Variants in CDH13 observed in about 807,000 individuals in gnomAD.
CDH13 encodes the protein cadherin-13.
CDH13 carries 24 observed loss-of-function variants against 63.8 expected under a neutral mutation model. That is an observed-to-expected ratio of 0.38 (90% CI 0.27 to 0.53). The LOEUF (loss-of-function observed/expected upper bound fraction) is 0.53, where lower values mean the gene tolerates loss of function less well. Among genes scored for constraint, CDH13 ranks in the 20% least tolerant of loss-of-function variants. CDH13 has a pLI of 0.85. For missense variants in CDH13, 1,049 were observed against 903.1 expected (o/e 1.16, Z -2.07); for synonymous variants, 503 against 355.3 (o/e 1.42, Z -4.67).
At chr16:83,175,979 C>T (rs576598622) in intron 4 of CDH13, among the ~76,000 whole-genome samples, 5 of 151,750 alleles carry the variant, frequency 3.3e-5, no homozygotes, top group African/African-American at 9.6e-5. Flanking sequence ...CAGGCATGTG[C>T]CACAATGCCT....
At chr16:82,954,562 C>T (rs1264036786) in intron 2 of CDH13, 1 of 152,064 alleles carries the variant, frequency 6.6e-6, no homozygotes, top group Non-Finnish European at 1.5e-5. Context: ...TGAAGGCTAC[C>T]AATGTCCAAT....
intron 2 of CDH13, among the ~76,000 whole-genome samples, chr16:82,880,222 G>C (rs1037671035): frequency 1.3e-5 from 2 of 151,972 alleles, no homozygotes; most frequent in South Asian, 4.1e-4. Flanking sequence ...TGCTTCTCAA[G>C]TGCAGCGTCC....
chr16:82,630,843 A>T (rs1907920475), intron 1 of CDH13, among the ~76,000 whole-genome samples: 1 of 152,190 alleles, frequency 6.6e-6, no homozygotes, highest in South Asian at 2.1e-4. Flanking sequence ...CGTCTGAGTG[A>T]GTGTGTACAT....
chr16:83,508,616 G>A (rs996647416), intron 7 of CDH13, among the ~76,000 whole-genome samples: 3 of 152,252 alleles, frequency 2.0e-5, no homozygotes, highest in Non-Finnish European at 2.9e-5. Context: ...GGACAACTTC[G>A]AGATATGTTC....
At chr16:83,478,989 A>C (rs1028187620) in intron 6 of CDH13, among the ~76,000 whole-genome samples, 2 of 152,242 alleles carry the variant, frequency 1.3e-5, no homozygotes, top group Admixed American at 6.5e-5. Context: ...GTAGCTTTCC[A>C]GGAACACATG....
intron 2 of CDH13, among the ~76,000 whole-genome samples, chr16:82,909,801 A>T (rs528892151): frequency 2.0e-5 from 3 of 152,324 alleles, no homozygotes; most frequent in Non-Finnish European, 4.4e-5. Flanking sequence ...GGGTGGGGAC[A>T]CAGCCAAACG....
chr16:83,322,773 T>C (rs779169525), intron 5 of CDH13, among the ~76,000 whole-genome samples: 1 of 152,164 alleles, frequency 6.6e-6, no homozygotes, highest in Non-Finnish European at 1.5e-5. Context: ...GTCATTATAA[T>C]GTCAGGACCA....
intron 5 of CDH13, among the ~76,000 whole-genome samples, chr16:83,263,724 A>C (rs1907254765): frequency 6.6e-6 from 1 of 152,166 alleles, no homozygotes; most frequent in Non-Finnish European, 1.5e-5. Flanking sequence ...CCCCATGATG[A>C]ACGGTGCAGG....
intron 10 of CDH13, among the ~76,000 whole-genome samples, chr16:83,713,216 T>C (rs935970384): frequency 1.3e-5 from 2 of 152,162 alleles, no homozygotes; most frequent in African/African-American, 4.8e-5. Context: ...CCTCTCTCCG[T>C]CTAACGGGCT....
intron 3 of CDH13, among the ~76,000 whole-genome samples, chr16:83,122,524 T>G (rs942648892): frequency 1.3e-5 from 2 of 152,166 alleles, no homozygotes; most frequent in African/African-American, 2.4e-5. Context: ...GTTGCCCCAC[T>G]GATCATATAA....
rs938161105 is a variant in CDH13, at chr16:83,799,177, G to A, written c.*4147G>A. ...AAAATACAAAAATTAGCTGGGTGTG[G>A]TGGTGCACACCTGAAACCCCAGCTA... On this transcript the variant is annotated 3_prime_UTR_variant, in exon 14 of 14. Transcript: ENST00000567109. 1.3e-5 allele frequency: 2 copies of A among 151,986 alleles called. No homozygotes were observed. The highest frequency in any genetic ancestry group is 4.8e-5 in the African/African-American group (2 of 41,336). The allele number at this position is 151,986 out of a possible 1,614,324, so 9.4% of individuals were successfully genotyped here. A position where few individuals can be genotyped will look rare whatever the true frequency, so the allele number is the denominator to read the frequency against.
In CDH13 at chr16:82,651,612, G is replaced by A. The variant is rs185335324; in HGVS notation, c.45+24475G>A. Reference sequence around the variant, plus strand: ...CAACACTTGTAATAACCCTATTAGGGAGGTGGTGTTTTTCCACTTTACAGT... The same window carrying A: ...CAACACTTGTAATAACCCTATTAGGAAGGTGGTGTTTTTCCACTTTACAGT... On this transcript the variant is annotated intron_variant, in intron 1 of 13. Coordinates refer to ENST00000567109, the MANE Select transcript of CDH13 (RefSeq NM_001257.5). Among the ~76,000 whole-genome samples, 328 of 152,336 alleles carry A rather than the reference G, an allele frequency of 2.2e-3. 4 individuals are homozygous for A. The highest frequency in any genetic ancestry group is 0.01 in the Middle Eastern group (3 of 294).
intron 6 of CDH13, among the ~76,000 whole-genome samples, chr16:83,364,639 C>G (rs146787379): frequency 2.6e-5 from 4 of 152,260 alleles, no homozygotes; most frequent in African/African-American, 9.6e-5. Context: ...CTTGGTTAGT[C>G]TAGGGACCAG....
At chr16:83,605,154 A>C (rs867070591) in intron 8 of CDH13, among the ~76,000 whole-genome samples, 2 of 152,354 alleles carry the variant, frequency 1.3e-5, no homozygotes, top group Non-Finnish European at 2.9e-5. Context: ...CATTTTCTTC[A>C]AATGGAGATT....
rs144673610 is a variant in CDH13, at chr16:83,784,398, G to A, written c.2134+926G>A. Among the ~76,000 whole-genome samples the A allele has an allele frequency of 3.3e-5, 5 of 152,238 alleles. No individual in the cohort carries two copies. The East Asian group carries it at 7.7e-4, about 24-fold the overall frequency. ...TATAATCCCACCACTTTGGGAGGTC[G>A]AGGTGGGTGGATCATCTGAGATCAG... On this transcript the variant is annotated intron_variant, in intron 13 of 13. Coordinates refer to ENST00000567109, the MANE Select transcript of CDH13 (RefSeq NM_001257.5).
intron 5 of CDH13, among the ~76,000 whole-genome samples, chr16:83,289,736 T>G (rs1273025368): frequency 6.6e-6 from 1 of 152,196 alleles, no homozygotes; most frequent in East Asian, 1.9e-4. Flanking sequence ...GGTGTCTCAG[T>G]TTTCTCACTT....
chr16:83,407,395 T>C lies in CDH13; in HGVS notation c.781+62389T>C, dbSNP rs543718247. ...AGTACTGTGGTTAGCACCATCCTCA[T>C]ATAAACATTATCATCTTAGCCCCTG... On this transcript the variant is annotated intron_variant, in intron 6 of 13. Transcript: ENST00000567109. Among the ~76,000 whole-genome samples, 17 of 152,342 alleles carry C rather than the reference T, an allele frequency of 1.1e-4. No homozygotes were observed. The South Asian group carries it at 3.3e-3, about 30-fold the overall frequency.
chr16:83,649,732 G>A (rs113831435), intron 8 of CDH13, among the ~76,000 whole-genome samples: 1 of 152,066 alleles, frequency 6.6e-6, no homozygotes. Context: ...AACACGGAGG[G>A]CACCTGCCTT....
At chr16:83,508,919 C>T (rs1306260279) in intron 7 of CDH13, among the ~76,000 whole-genome samples, 2 of 152,178 alleles carry the variant, frequency 1.3e-5, no homozygotes, top group Non-Finnish European at 2.9e-5. Flanking sequence ...TTTGTACTTT[C>T]TCATGCTGCT....
Sources: gnomAD v4.1 joint callset for allele counts (sites outside exome capture counted in the v4.1 genomes callset) on GRCh38, gnomAD v4.1.1 for gene constraint, MANE v1.5 for transcripts, NCBI Gene and HGNC (gene_info 2026-07-23, HGNC 2026-07-21) for gene names.